The following CD38 variants were observed in gnomAD, a reference collection of about 807,000 sequenced individuals.
CD38 encodes the protein CD38 molecule.
A neutral mutation model predicts 36.3 loss-of-function variants in CD38; 31 were observed. That is an observed-to-expected ratio of 0.85 (90% CI 0.64 to 1.15). The LOEUF (loss-of-function observed/expected upper bound fraction) is 1.15. Among genes scored for constraint, CD38 ranks in the 50% most tolerant of loss-of-function variants. CD38 has a pLI of 0.00. For synonymous variants in CD38, 131 were observed against 135.2 expected (o/e 0.97, Z 0.22); for missense variants, 380 against 371.9 (o/e 1.02, Z -0.18).
chr4:15,816,490 A>G (rs765754447), intron 1 of CD38, 21 bp from the exon 2 acceptor site: 2 of 1,559,764 alleles, frequency 1.3e-6, no homozygotes, highest in Admixed American at 2.0e-5. Context: ...TTTATGTTTT[A>G]TTTTCTGTGT....
rs368871462 is a variant in CD38, at chr4:15,796,636, C to T, written c.233+17989C>T. 1.4e-4 allele frequency among the ~76,000 whole-genome samples: 22 copies of T among 151,916 alleles called. No homozygotes were observed. In the East Asian group the frequency reaches 1.5e-3, roughly 11 times the overall value. On this transcript the variant is annotated intron_variant, in intron 1 of 7. Transcript: ENST00000226279. Reference sequence around the variant, plus strand: ...ACAAATAAAATCGAAATACTCTTTCCGCCGATTTTCTTTTCTCCTGTCTCA... The same window carrying T: ...ACAAATAAAATCGAAATACTCTTTCTGCCGATTTTCTTTTCTCCTGTCTCA...
chr4:15,790,677 G>A (rs1722954181), intron 1 of CD38, among the ~76,000 whole-genome samples: 7 of 151,234 alleles, frequency 4.6e-5, no homozygotes, highest in Admixed American at 4.6e-4. Flanking sequence ...TGGCTGCCCA[G>A]TCTGGAGGGT....
chr4:15,848,450 C>T (rs184955361), intron 7 of CD38, 89 bp from the exon 8 acceptor site: 7 of 889,646 alleles, frequency 7.9e-6, no homozygotes, highest in East Asian at 5.1e-5. Context: ...ACCTTGTCGT[C>T]GCTAAAAAAG....
chr4:15,808,558 T>C (rs937468127), intron 1 of CD38, among the ~76,000 whole-genome samples: 4 of 152,204 alleles, frequency 2.6e-5, no homozygotes, highest in Admixed American at 6.5e-5. Context: ...AGAAGGAGAA[T>C]AGAAGGTCAC....
At chr4:15,788,380 C>G (rs1023993977) in intron 1 of CD38, among the ~76,000 whole-genome samples, 25 of 152,110 alleles carry the variant, frequency 1.6e-4, no homozygotes, top group African/African-American at 5.8e-4. Flanking sequence ...AACAGGGAAA[C>G]CTGACACGTT....
At chr4:15,794,731 T>A (rs1474298859) in intron 1 of CD38, among the ~76,000 whole-genome samples, 1 of 152,172 alleles carries the variant, frequency 6.6e-6, no homozygotes, top group Non-Finnish European at 1.5e-5. Context: ...ACAAGTGAAG[T>A]AGTGGCTGGA....
intron 7 of CD38, among the ~76,000 whole-genome samples, chr4:15,841,816 C>T (rs1347019021): frequency 9.5e-5 from 13 of 137,148 alleles, no homozygotes; most frequent in Middle Eastern, 3.5e-3. Context: ...CCTGGAAAAT[C>T]GGGTCACTCC....
At chr4:15,831,484 A>G (rs1044419931) in intron 3 of CD38, among the ~76,000 whole-genome samples, 5 of 151,622 alleles carry the variant, frequency 3.3e-5, no homozygotes, top group Admixed American at 3.3e-4. Context: ...TAAATCCCTC[A>G]CCTTTTGTTT....
At chr4:15,806,812 T>C (rs1481276365) in intron 1 of CD38, among the ~76,000 whole-genome samples, 1 of 152,168 alleles carries the variant, frequency 6.6e-6, no homozygotes, top group African/African-American at 2.4e-5. Context: ...GAGCCTCAGG[T>C]CACCGTTTGC....
At chr4:15,793,978 G>GT (rs1399592654) in intron 1 of CD38, among the ~76,000 whole-genome samples, 2 of 152,216 alleles carry the variant, frequency 1.3e-5, no homozygotes, top group Non-Finnish European at 2.9e-5. Context: ...TCCACATTCA[G>GT]TAACCCTCCC....
At chr4:15,816,759 G>GTT in intron 2 of CD38, 119 bp downstream of exon 2, 1 of 1,098,858 alleles carries the variant, frequency 9.1e-7, no homozygotes, top group Non-Finnish European at 1.4e-6. Context: ...TATAGTGTGA[G>GTT]TGTGGTTGGT....
chr4:15,810,662 T>C (rs1723448599), intron 1 of CD38, among the ~76,000 whole-genome samples: 1 of 152,228 alleles, frequency 6.6e-6, no homozygotes, highest in South Asian at 2.1e-4. Flanking sequence ...ACCAGGTTGA[T>C]AATGGTTTCC....
intron 7 of CD38, among the ~76,000 whole-genome samples, chr4:15,848,322 G>T (rs919898317): frequency 1.3e-5 from 2 of 152,118 alleles, no homozygotes; most frequent in Non-Finnish European, 2.9e-5. Flanking sequence ...AGCTGTGGGG[G>T]TCCGTGGCCT....
At chr4:15,815,083 G>T (rs1024750054) in intron 1 of CD38, among the ~76,000 whole-genome samples, 4 of 152,098 alleles carry the variant, frequency 2.6e-5, no homozygotes, top group African/African-American at 4.8e-5. Flanking sequence ...GGGATTACAG[G>T]CGTGAGCCAC....
At chr4:15,832,685 G>A (rs1410056254) in intron 3 of CD38, among the ~76,000 whole-genome samples, 1 of 152,162 alleles carries the variant, frequency 6.6e-6, no homozygotes, top group African/African-American at 2.4e-5. Flanking sequence ...AAGACTTGAA[G>A]CCAGTACAGC....
At chr4:15,840,198 G>A in intron 6 of CD38, 80 bp downstream of exon 6, 1 of 993,880 alleles carries the variant, frequency 1.0e-6, no homozygotes, top group Non-Finnish European at 1.6e-6. Context: ...GCACGCACTG[G>A]GAACAAATTG....
Position 15,778,665 on chromosome 4 carries a change from G to T in CD38, c.233+18G>T. 1 of 1,555,722 alleles carries T rather than the reference G, an allele frequency of 6.4e-7. No individual in the cohort carries two copies. Among genetic ancestry groups the T allele is most frequent in the East Asian group, 2.2e-5 (1 of 44,536 alleles). ...GAGATGAGGTGGGTTGGCGACTAAG[G>T]CGCACCGGTGGGCACTGCGGGGACA... On this transcript the variant is annotated intron_variant, in intron 1 of 7. Coordinates refer to ENST00000226279, the MANE Select transcript of CD38 (RefSeq NM_001775.4). This position sits in a 1 kb window ranked among gnomAD's most constrained non-coding sequence, Gnocchi z 4.9.
At chr4:15,799,284 T>C (rs1219821334) in intron 1 of CD38, among the ~76,000 whole-genome samples, 1 of 152,208 alleles carries the variant, frequency 6.6e-6, no homozygotes, top group Non-Finnish European at 1.5e-5. Context: ...ATCGAGGGTT[T>C]TCTGATGCCA....
chr4:15,822,654 C>T (rs1723763707), intron 2 of CD38, among the ~76,000 whole-genome samples: 1 of 152,064 alleles, frequency 6.6e-6, no homozygotes, highest in Admixed American at 6.6e-5. Context: ...TCATGGATAC[C>T]TATAATCCAC....
Sources: allele counts gnomAD v4.1 joint callset (sites outside exome capture counted in the v4.1 genomes callset), GRCh38; gene constraint gnomAD v4.1.1; non-coding constraint Gnocchi (gnomAD v3.1); transcripts MANE v1.5; gene names NCBI Gene and HGNC (gene_info 2026-07-23, HGNC 2026-07-21).